LRP5: variants seen among roughly 807,000 people sequenced by gnomAD.
LRP5 encodes low-density lipoprotein receptor-related protein 5.
A neutral mutation model predicts 154.1 loss-of-function variants in LRP5; 62 were observed. That is an observed-to-expected ratio of 0.40 (90% CI 0.33 to 0.50). The LOEUF is 0.50. Ranked by LOEUF, LRP5 falls within the 20% of genes least tolerant of loss-of-function variation. The probability of loss-of-function intolerance (pLI) is 0.55; values close to 1 mark genes in which losing one functional copy is unlikely to be tolerated. For missense variants in LRP5, 1,915 were observed against 2,336.7 expected, an observed-to-expected ratio of 0.82 and a Z score of 3.72; for synonymous variants, 966 against 1,011.5, an observed-to-expected ratio of 0.96 and a Z score of 0.85.
upstream of LRP5, among the ~76,000 whole-genome samples, chr11:68,311,135 C>A (rs2098587547): frequency 6.6e-6 from 1 of 152,170 alleles, no homozygotes; most frequent in African/African-American, 2.4e-5. Flanking sequence ...GAAAATAGAA[C>A]CCCAGGCTGT....
chr11:68,446,062 CT>C (rs2098681261), intron 21 of LRP5, among the ~76,000 whole-genome samples: 2 of 152,154 alleles, frequency 1.3e-5, no homozygotes, highest in African/African-American at 4.8e-5. Context: ...GAGGTGCTAA[CT>C]GGTGTGGAGG....
rs147792724 is a variant in LRP5, at chr11:68,406,586, G to C, written c.1864G>C (p.Ala622Pro). The part of the protein sequence containing the change: ...CSHLCFFTPH[A>P]TRCGCPIGLE... ...CCACCTGTGCTTCTTCACACCCCAC[G>C]CAACCCGGTGTGGCTGCCCCATCGG... is the stretch of plus-strand genomic sequence containing the variant. The change falls in exon 9 of 23, where the codon GCA becomes CCA. Residue 622 changes from alanine (A) to proline (P), a missense_variant. By Grantham distance (27) the Ala-to-Pro change is conservative. Transcript: ENST00000294304. The C allele has an allele frequency of 4.3e-6, 7 of 1,614,112 alleles. No individual in the cohort carries two copies. The highest frequency in any genetic ancestry group is 5.9e-6 in the Non-Finnish European group (7 of 1,180,026).
intron 1 of LRP5, among the ~76,000 whole-genome samples, chr11:68,342,594 C>T (rs2098609772): frequency 6.6e-6 from 1 of 152,144 alleles, no homozygotes; most frequent in African/African-American, 2.4e-5. Flanking sequence ...TCCTCTTAAA[C>T]TTAGGAATTG....
At chr11:68,322,129 G>T (rs2098597096) in intron 1 of LRP5, among the ~76,000 whole-genome samples, 1 of 152,222 alleles carries the variant, frequency 6.6e-6, no homozygotes, top group South Asian at 2.1e-4. Context: ...CTGGATCCGG[G>T]CGTGGCCGTG....
chr11:68,396,667 A>C (rs764107338), intron 7 of LRP5, among the ~76,000 whole-genome samples: 3 of 152,162 alleles, frequency 2.0e-5, no homozygotes, highest in Non-Finnish European at 4.4e-5. Flanking sequence ...GCTGGCCTTG[A>C]CTGTGACAGC....
intron 8 of LRP5, chr11:68,403,945 C>A (rs1211960006): frequency 3.4e-6 from 2 of 581,170 alleles, no homozygotes; most frequent in Non-Finnish European, 3.1e-6. Context: ...TTGTTGAGCA[C>A]CTGCTGTGTG....
At position 68,341,059 on chromosome 11, in the gene LRP5, C is replaced by CTTTTTTTTTTTTTTTTTT. The variant is rs576462333; in HGVS notation, c.92-6786_92-6769dup. Among the ~76,000 whole-genome samples, 206 of 83,436 alleles carry CTTTTTTTTTTTTTTTTTT rather than the reference C, an allele frequency of 2.5e-3. 23 individuals are homozygous for CTTTTTTTTTTTTTTTTTT. The highest frequency in any genetic ancestry group is 8.3e-3 in the Middle Eastern group (1 of 120). 54.7% of individuals were successfully genotyped at this position (83,436 alleles called of 152,430 possible). On this transcript the variant is annotated intron_variant, in intron 1 of 22. Coordinates refer to ENST00000294304, the MANE Select transcript of LRP5 (RefSeq NM_002335.4). ...GTTACCCCTGCCGCTGGAGATTGTT[C>CTTTTTTTTTTTTTTTTTT]TTTTTTTTTTTTTTTTTTTGCTATT...
intron 4 of LRP5, among the ~76,000 whole-genome samples, chr11:68,365,084 A>G (rs965362303): frequency 3.9e-5 from 6 of 152,184 alleles, no homozygotes; most frequent in Admixed American, 1.3e-4. Context: ...CACATAGCAC[A>G]AAGACAAGAC....
chr11:68,325,709 C>T (rs1216737229), intron 1 of LRP5, among the ~76,000 whole-genome samples: 1 of 152,190 alleles, frequency 6.6e-6, no homozygotes, highest in Non-Finnish European at 1.5e-5. Context: ...CCCATGCAGG[C>T]CCCCCTCACC....
intron 5 of LRP5, among the ~76,000 whole-genome samples, chr11:68,380,099 C>G (rs1019516906): frequency 6.6e-6 from 1 of 152,248 alleles, no homozygotes; most frequent in African/African-American, 2.4e-5. Flanking sequence ...CGCCACTGCA[C>G]TCCAGCCTGG....
chr11:68,389,773 T>C (rs2098645310), intron 6 of LRP5, 108 bp from the exon 7 acceptor site: 1 of 1,070,578 alleles, frequency 9.3e-7, no homozygotes, highest in African/African-American at 1.6e-5. Flanking sequence ...CATCAACATT[T>C]AGCCATGTGA....
intron 12 of LRP5, 64 bp from the exon 13 acceptor site, chr11:68,416,264 C>A: frequency 6.9e-7 from 1 of 1,446,678 alleles, no homozygotes; most frequent in East Asian, 2.3e-5. Context: ...GCGTGCTATC[C>A]CGTCCTCCAG....
intron 13 of LRP5, among the ~76,000 whole-genome samples, chr11:68,421,990 T>C (rs555307367): frequency 1.3e-5 from 2 of 152,224 alleles, no homozygotes; most frequent in African/African-American, 4.8e-5. Context: ...TATGGTGATA[T>C]GAGCATAGCT....
At chr11:68,371,147 TAG>T (rs1397607380) in intron 5 of LRP5, among the ~76,000 whole-genome samples, 1 of 152,162 alleles carries the variant, frequency 6.6e-6, no homozygotes, top group Non-Finnish European at 1.5e-5. Context: ...GGTGTGGAAA[TAG>T]AGTTTTCTAG....
At chr11:68,326,976 G>A (rs2098600062) in intron 1 of LRP5, among the ~76,000 whole-genome samples, 1 of 152,180 alleles carries the variant, frequency 6.6e-6, no homozygotes, top group Non-Finnish European at 1.5e-5. Flanking sequence ...CGTGGACTTT[G>A]CCCAGTGTTG....
At chr11:68,412,852 G>A (rs1489018343) in intron 11 of LRP5, 2 of 158,742 alleles carry the variant, frequency 1.3e-5, no homozygotes, top group East Asian at 3.1e-4. Context: ...GCAAGAATTT[G>A]GCTTCTGACC....
Position 68,418,123 on chromosome 11 carries a change from C to G in LRP5, c.3027+1596C>G, listed in dbSNP as rs191123066. Among the ~76,000 whole-genome samples, 29 of 152,078 alleles carry G rather than the reference C, an allele frequency of 1.9e-4. 1 individual carries two copies. Among genetic ancestry groups the G allele is most frequent in the Admixed American group, 8.5e-4 (13 of 15,258 alleles). On this transcript the variant is annotated intron_variant, in intron 13 of 22. Coordinates refer to ENST00000294304, the MANE Select transcript of LRP5 (RefSeq NM_002335.4). ...ACAGGCCTGGCTCCTAAGCAGCCTT[C>G]TTTTACAAAAACTGCAGAGCCCGCT...
At chr11:68,429,137 C>T (rs577482058) in intron 16 of LRP5, among the ~76,000 whole-genome samples, 15 of 149,688 alleles carry the variant, frequency 1.0e-4, no homozygotes, top group East Asian at 8.2e-4. Context: ...CCTGTAGTCC[C>T]AGCTACTCAA....
At chr11:68,388,702 G>A (rs970251002) in intron 6 of LRP5, among the ~76,000 whole-genome samples, 5 of 152,156 alleles carry the variant, frequency 3.3e-5, no homozygotes, top group African/African-American at 1.2e-4. Context: ...CAGCCCACTA[G>A]TCAGATGTGA....
Sources: gnomAD v4.1 joint callset for allele counts (sites outside exome capture counted in the v4.1 genomes callset) on GRCh38, gnomAD v4.1.1 for gene constraint, MANE v1.5 for transcripts, NCBI Gene and HGNC (gene_info 2026-07-23, HGNC 2026-07-21) for gene names.